Variants in SNAP29 observed in about 807,000 individuals in gnomAD.
SNAP29 encodes the protein synaptosomal-associated protein 29.
SNAP29 carries 13 observed loss-of-function variants against 27.9 expected under a neutral mutation model. The observed-to-expected ratio is 0.47, with a 90% CI of 0.30 to 0.74. SNAP29 has a LOEUF of 0.74. SNAP29 is among the 30% of genes least tolerant of loss of function. SNAP29 has a pLI of 0.06. For synonymous variants in SNAP29, 119 were observed against 127.1 expected, an observed-to-expected ratio of 0.94 and a Z score of 0.43; for missense variants, 368 against 336.5, an observed-to-expected ratio of 1.09 and a Z score of -0.73.
chr22:20,869,892 C>T (rs1173884034), intron 1 of SNAP29, among the ~76,000 whole-genome samples: 6 of 151,962 alleles, frequency 3.9e-5, no homozygotes, highest in Admixed American at 3.9e-4. Flanking sequence ...TGCCTCAGCC[C>T]CCCGAGTAGC....
At chr22:20,860,473 G>A (rs1327791568) in intron 1 of SNAP29, among the ~76,000 whole-genome samples, 2 of 149,144 alleles carry the variant, frequency 1.3e-5, no homozygotes, top group East Asian at 2.1e-4. Flanking sequence ...GGATTCAGAC[G>A]ATTCTCCTGC....
chr22:20,888,538 G>T lies in SNAP29; in HGVS notation c.*702G>T. 1 of 153,570 alleles carries T rather than the reference G, an allele frequency of 6.5e-6. No homozygotes were observed. The allele number at this position is 153,570 out of a possible 1,614,324, so 9.5% of individuals were successfully genotyped here. A position where few individuals can be genotyped will look rare whatever the true frequency, so the allele number is the denominator to read the frequency against. On this transcript the variant is annotated 3_prime_UTR_variant, in exon 5 of 5. Transcript: ENST00000215730. ...ACCAGCACTGCTCACTGCGACTCCT[G>T]GAAATGTGTGGGGAATTGGGTGAGC... is the stretch of plus-strand genomic sequence containing the variant.
chr22:20,870,811 A>C, intron 2 of SNAP29: 1 of 501,134 alleles, frequency 2.0e-6, no homozygotes. Flanking sequence ...AATCTGTACA[A>C]ATGTGACTCA....
intron 2 of SNAP29, among the ~76,000 whole-genome samples, chr22:20,877,621 C>G (rs972648945): frequency 6.6e-6 from 1 of 152,080 alleles, no homozygotes; most frequent in Admixed American, 6.6e-5. Flanking sequence ...GAGGCTGAAG[C>G]AGGAGAATCT....
intron 2 of SNAP29, among the ~76,000 whole-genome samples, chr22:20,879,231 T>G (rs1928826729): frequency 6.7e-6 from 1 of 149,972 alleles, no homozygotes; most frequent in South Asian, 2.1e-4. Flanking sequence ...GGTGTAAACC[T>G]GGTCAGCAGA....
intron 1 of SNAP29, among the ~76,000 whole-genome samples, chr22:20,865,642 A>G (rs1490546498): frequency 6.6e-6 from 1 of 152,176 alleles, no homozygotes; most frequent in Non-Finnish European, 1.5e-5. Context: ...ACTACCCTCA[A>G]CTTCACTGAT....
intron 1 of SNAP29, among the ~76,000 whole-genome samples, chr22:20,864,949 T>G (rs1928422683): frequency 6.6e-6 from 1 of 152,236 alleles, no homozygotes; most frequent in Non-Finnish European, 1.5e-5. Flanking sequence ...AGGCTGTGTC[T>G]AGCAGGTGGG....
intron 1 of SNAP29, among the ~76,000 whole-genome samples, chr22:20,864,879 G>C (rs550703425): frequency 6.6e-6 from 1 of 152,344 alleles, no homozygotes; most frequent in East Asian, 1.9e-4. Context: ...AATGCATTGA[G>C]CTGTGTGCCT....
intron 2 of SNAP29, among the ~76,000 whole-genome samples, chr22:20,872,898 C>T (rs1928632390): frequency 7.6e-6 from 1 of 131,552 alleles, no homozygotes; most frequent in Non-Finnish European, 1.6e-5. Flanking sequence ...GGCACCATCT[C>T]AGCTCACTGA....
At chr22:20,882,994 ATTTC>A (rs1273520730) in intron 3 of SNAP29, among the ~76,000 whole-genome samples, 1 of 144,096 alleles carries the variant, frequency 6.9e-6, no homozygotes, top group Non-Finnish European at 1.5e-5. Flanking sequence ...ATTATTTAAC[ATTTC>A]TTTTTTTTTT....
intron 3 of SNAP29, among the ~76,000 whole-genome samples, chr22:20,883,125 CA>C (rs1928926844): frequency 6.6e-6 from 1 of 152,040 alleles, no homozygotes; most frequent in Non-Finnish European, 1.5e-5. Context: ...ACTTTGTCCA[CA>C]GACTGTGTAG....
At position 20,888,057 on chromosome 22, in the gene SNAP29, T is replaced by C; in HGVS notation, c.*221T>C. The C allele has an allele frequency of 3.6e-6, 2 of 552,036 alleles. No homozygotes were observed. The highest frequency in any genetic ancestry group is 6.5e-6 in the Non-Finnish European group (2 of 308,692). 34.2% of individuals were successfully genotyped at this position (552,036 alleles called of 1,614,324 possible). A position where few individuals can be genotyped will look rare whatever the true frequency, so the allele number is the denominator to read the frequency against. Reference sequence around the variant, plus strand: ...CAAGTTCTTCCAGCAAAATGCTTATTAGAGTTTTTGTCTGAGCACAGTAGC... The same window carrying C: ...CAAGTTCTTCCAGCAAAATGCTTATCAGAGTTTTTGTCTGAGCACAGTAGC... On this transcript the variant is annotated 3_prime_UTR_variant, in exon 5 of 5. Coordinates refer to ENST00000215730, the MANE Select transcript of SNAP29 (RefSeq NM_004782.4).
In SNAP29 at chr22:20,878,969, A is replaced by G. The variant is rs116228688; in HGVS notation, c.435-2080A>G. 9.2e-3 allele frequency among the ~76,000 whole-genome samples: 1,402 copies of G among 152,320 alleles called. 17 individuals carry two copies. Among genetic ancestry groups the G allele is most frequent in the African/African-American group, 0.033 (1,359 of 41,566 alleles). ...ATATTTTATAGGGACTTACGTGATG[A>G]GAAAAAAACATACTTTCACAACTTT... On this transcript the variant is annotated intron_variant, in intron 2 of 4. Coordinates refer to ENST00000215730, the MANE Select transcript of SNAP29 (RefSeq NM_004782.4).
At chr22:20,882,147 T>C (rs1043867221) in intron 3 of SNAP29, among the ~76,000 whole-genome samples, 1 of 151,074 alleles carries the variant, frequency 6.6e-6, no homozygotes, top group East Asian at 1.9e-4. Flanking sequence ...CCAGAAGGAG[T>C]GCAACCCTGA....
At chr22:20,865,422 C>G (rs80068797) in intron 1 of SNAP29, among the ~76,000 whole-genome samples, 1 of 152,022 alleles carries the variant, frequency 6.6e-6, no homozygotes, top group South Asian at 2.1e-4. Flanking sequence ...TAACAGGATG[C>G]CTTCTGAGGA....
intron 3 of SNAP29, 110 bp from the exon 4 acceptor site, chr22:20,883,361 C>T (rs1928932635): frequency 5.3e-6 from 4 of 755,296 alleles, no homozygotes; most frequent in Non-Finnish European, 9.5e-6. Flanking sequence ...TCAGAACCAA[C>T]CCCTTCGTTC....
intron 1 of SNAP29, among the ~76,000 whole-genome samples, chr22:20,862,296 T>G (rs150149768): frequency 1.0e-3 from 152 of 152,322 alleles, no homozygotes; most frequent in African/African-American, 3.6e-3. Context: ...AAGTAGGGAA[T>G]CAATGATTCA....
At chr22:20,881,423 G>T (rs1030755675) in intron 3 of SNAP29, among the ~76,000 whole-genome samples, 1 of 152,240 alleles carries the variant, frequency 6.6e-6, no homozygotes, top group Non-Finnish European at 1.5e-5. Context: ...TGCCCGGCCA[G>T]CCTGGTGCAG....
rs901410064 is a variant in SNAP29 at position 20,890,250 on chromosome 22, C to T, written c.*2414C>T. On this transcript the variant is annotated 3_prime_UTR_variant, in exon 5 of 5. Coordinates refer to ENST00000215730, the MANE Select transcript of SNAP29 (RefSeq NM_004782.4). ...GTAACATGGCTCCAGAAACTTTTCA[C>T]ATGATGATTGGGATCGACAAAAAAA... 5.0e-6 allele frequency: 2 copies of T among 398,402 alleles called. No individual in the cohort carries two copies. Among genetic ancestry groups the T allele is most frequent in the Admixed American group, 4.4e-5 (1 of 22,666 alleles). The allele number at this position is 398,402 out of a possible 1,614,324, so 24.7% of individuals were successfully genotyped here.
Sources: allele counts gnomAD v4.1 joint callset (sites outside exome capture counted in the v4.1 genomes callset), GRCh38; gene constraint gnomAD v4.1.1; transcripts MANE v1.5; gene names NCBI Gene and HGNC (gene_info 2026-07-23, HGNC 2026-07-21).